Variants in OR56A3 observed in about 807,000 individuals in gnomAD.
The protein encoded by OR56A3 is olfactory receptor 56A3.
In OR56A3, 23 loss-of-function variants were observed where a neutral mutation model predicts 17.5. The observed-to-expected ratio is 1.32, with a 90% CI of 0.95 to 1.87. The LOEUF is 1.87. Ranked by LOEUF, OR56A3 falls within the 40% of genes most tolerant of loss-of-function variation. OR56A3 has a pLI of 0.00. For missense variants in OR56A3, 366 were observed against 380.1 expected (o/e 0.96, Z 0.31); for synonymous variants, 175 against 150.6 (o/e 1.16, Z -1.19).
chr11:5,958,349 G>C, the OR56A3 span, among the ~76,000 whole-genome samples: 1 of 152,122 alleles, frequency 6.6e-6, no homozygotes, highest in South Asian at 2.1e-4. Flanking sequence ...TTATAAAAGA[G>C]GCTACACGAG....
At chr11:5,961,675 C>T in the OR56A3 span, among the ~76,000 whole-genome samples, 58 of 151,806 alleles carry the variant, frequency 3.8e-4, 1 homozygote, top group South Asian at 7.3e-3. Context: ...TATCTGCTGA[C>T]CTTCCCTCCA....
downstream of OR56A3, among the ~76,000 whole-genome samples, chr11:5,953,685 A>G (rs1440670840): frequency 6.6e-6 from 1 of 152,214 alleles, no homozygotes; most frequent in East Asian, 1.9e-4. Context: ...TGTCATTGAC[A>G]TAGTACTTAT....
chr11:5,968,695 T>C, the OR56A3 span, among the ~76,000 whole-genome samples: 1 of 152,204 alleles, frequency 6.6e-6, no homozygotes, highest in African/African-American at 2.4e-5. Flanking sequence ...AGTAAATTAT[T>C]TCTGAAGTTA....
the OR56A3 span, among the ~76,000 whole-genome samples, chr11:6,012,926 C>G: frequency 0.24 from 36,861 of 152,182 alleles, 5,892 homozygotes; most frequent in East Asian, 0.78. Context: ...CAACTCTGCT[C>G]TGAGATCTGT....
the OR56A3 span, among the ~76,000 whole-genome samples, chr11:5,963,323 G>A: frequency 1.3e-5 from 2 of 151,978 alleles, no homozygotes; most frequent in Non-Finnish European, 2.9e-5. Flanking sequence ...TATTGCTATA[G>A]CCTTCCTCTT....
chr11:5,945,274 A>T (rs1847861948), intron 2 of OR56A3, among the ~76,000 whole-genome samples, 192 bp downstream of exon 2: 1 of 152,140 alleles, frequency 6.6e-6, no homozygotes, highest in Non-Finnish European at 1.5e-5. Flanking sequence ...TACGTATAAT[A>T]GAGTTATTTA....
At chr11:5,967,592 C>A in the OR56A3 span, 1 of 1,607,288 alleles carries the variant, frequency 6.2e-7, no homozygotes, top group Non-Finnish European at 8.5e-7. Context: ...CCTGCTTGAT[C>A]TCCTTGGTTC....
chr11:5,955,714 T>C (rs1847928620), downstream of OR56A3, among the ~76,000 whole-genome samples: 1 of 152,200 alleles, frequency 6.6e-6, no homozygotes, highest in African/African-American at 2.4e-5. Context: ...TACTAACAGA[T>C]GTACCGTAGT....
At chr11:5,970,490 G>A in the OR56A3 span, among the ~76,000 whole-genome samples, 2 of 152,138 alleles carry the variant, frequency 1.3e-5, no homozygotes, top group Admixed American at 1.3e-4. Context: ...CAGCAGGACT[G>A]GAATGAATGG....
the OR56A3 span, chr11:6,019,921 A>G: frequency 6.6e-6 from 1 of 152,126 alleles, no homozygotes; most frequent in Non-Finnish European, 1.5e-5. Flanking sequence ...ACCAGCATTT[A>G]CTTTTCCAGG....
chr11:5,969,073 T>C, the OR56A3 span, among the ~76,000 whole-genome samples: 5 of 152,148 alleles, frequency 3.3e-5, no homozygotes, highest in Non-Finnish European at 7.3e-5. Flanking sequence ...ATTGATTAAA[T>C]ATATAGAGGA....
the OR56A3 span, among the ~76,000 whole-genome samples, chr11:5,968,708 T>G: frequency 6.6e-6 from 1 of 152,000 alleles, no homozygotes; most frequent in African/African-American, 2.4e-5. Context: ...TGAAGTTAAT[T>G]TAGAAAAGCA....
the OR56A3 span, chr11:5,968,056 C>T: frequency 1.2e-6 from 2 of 1,608,868 alleles, no homozygotes; most frequent in African/African-American, 2.7e-5. Context: ...AAGATGGCAG[C>T]CCTAGCGACA....
chr11:5,994,984 C>A, the OR56A3 span: 1 of 688,084 alleles, frequency 1.5e-6, no homozygotes, highest in South Asian at 1.5e-5. Flanking sequence ...GGCGCCCGGA[C>A]CCCAAGCCAC....
chr11:5,991,690 G>A, the OR56A3 span, among the ~76,000 whole-genome samples: 2 of 152,180 alleles, frequency 1.3e-5, no homozygotes, highest in Non-Finnish European at 2.9e-5. Flanking sequence ...TCCCCCAACT[G>A]TAAACCCAGA....
the OR56A3 span, among the ~76,000 whole-genome samples, chr11:5,990,622 A>G: frequency 1.3e-5 from 2 of 152,192 alleles, no homozygotes; most frequent in East Asian, 3.8e-4. Flanking sequence ...ATAGGGTAAA[A>G]AAGAAGAGGC....
the OR56A3 span, among the ~76,000 whole-genome samples, chr11:5,960,988 G>T: frequency 6.6e-6 from 1 of 150,738 alleles, no homozygotes; most frequent in Non-Finnish European, 1.5e-5. Flanking sequence ...GTCTCTGACC[G>T]GCCGCCCCAT....
chr11:5,963,472 G>T, the OR56A3 span, among the ~76,000 whole-genome samples: 3 of 151,502 alleles, frequency 2.0e-5, no homozygotes, highest in Non-Finnish European at 4.4e-5. Flanking sequence ...AGATTTTTTG[G>T]TGTTTTTTTT....
the OR56A3 span, chr11:6,020,857 G>A: frequency 6.6e-6 from 1 of 152,086 alleles, no homozygotes; most frequent in Admixed American, 6.5e-5. Context: ...AACAGAAGTG[G>A]TGAGAGAAGG....
Sources: allele counts gnomAD v4.1 joint callset (sites outside exome capture counted in the v4.1 genomes callset), GRCh38; gene constraint gnomAD v4.1.1; transcripts MANE v1.5; gene names NCBI Gene and HGNC (gene_info 2026-07-23, HGNC 2026-07-21).